Variants in ADAMTS17 observed in about 807,000 individuals in gnomAD.
The protein encoded by ADAMTS17 is ADAM metallopeptidase with thrombospondin type 1 motif 17, also known as A disintegrin and metalloproteinase with thrombospondin motifs 17.
A neutral mutation model predicts 141.5 loss-of-function variants in ADAMTS17; 113 were observed. That is an observed-to-expected ratio of 0.80 (90% CI 0.69 to 0.93). The LOEUF (loss-of-function observed/expected upper bound fraction) is 0.93, where lower values mean the gene tolerates loss of function less well. Among genes scored for constraint, ADAMTS17 ranks in the 40% least tolerant of loss-of-function variants. The pLI is 0.00. For missense variants in ADAMTS17, 1,659 were observed against 1,517.9 expected (o/e 1.09, Z -1.54); for synonymous variants, 768 against 630.6 (o/e 1.22, Z -3.27).
intron 4 of ADAMTS17, among the ~76,000 whole-genome samples, chr15:100,279,948 T>C (rs74039167): frequency 0.012 from 1,786 of 152,206 alleles, 37 homozygotes; most frequent in African/African-American, 0.041. Context: ...CCTGCACCTG[T>C]CACCCCTTCT....
chr15:100,204,302 T>G (rs1316418746), intron 7 of ADAMTS17, among the ~76,000 whole-genome samples: 1 of 152,244 alleles, frequency 6.6e-6, no homozygotes, highest in East Asian at 1.9e-4. Flanking sequence ...TTACAGGGTC[T>G]GCCTTTGAGA....
chr15:100,180,995 A>G (rs999713577), intron 8 of ADAMTS17, among the ~76,000 whole-genome samples: 2 of 152,176 alleles, frequency 1.3e-5, no homozygotes, highest in African/African-American at 4.8e-5. Flanking sequence ...CTGGTGGTCT[A>G]TTCTACTGCA....
intron 8 of ADAMTS17, among the ~76,000 whole-genome samples, chr15:100,158,120 CT>C (rs2039520846): frequency 6.6e-6 from 1 of 152,138 alleles, no homozygotes; most frequent in Admixed American, 6.5e-5. Context: ...ACCTCTTGAC[CT>C]TGTGATCCGC....
chr15:100,129,834 C>T (rs1030112168), intron 12 of ADAMTS17: 4 of 152,306 alleles, frequency 2.6e-5, no homozygotes, highest in African/African-American at 9.7e-5. Context: ...ATGTCCGCTC[C>T]CTCTAGTGGG....
intron 15 of ADAMTS17, among the ~76,000 whole-genome samples, chr15:100,078,052 G>A: frequency 6.6e-6 from 1 of 152,072 alleles, no homozygotes; most frequent in Admixed American, 6.6e-5. Flanking sequence ...GACCTGGAGG[G>A]TTTGTAAGAT....
intron 8 of ADAMTS17, among the ~76,000 whole-genome samples, chr15:100,177,065 T>C (rs1455771050): frequency 6.6e-6 from 1 of 152,164 alleles, no homozygotes; most frequent in Non-Finnish European, 1.5e-5. Context: ...AGAATAGAGT[T>C]GTTATGAATA....
intron 15 of ADAMTS17, among the ~76,000 whole-genome samples, chr15:100,092,172 C>T (rs79717750): frequency 0.055 from 8,378 of 152,294 alleles, 325 homozygotes; most frequent in Non-Finnish European, 0.08. Context: ...AAACTTACCC[C>T]CAGCAGGCTA....
chr15:100,260,637 A>C (rs901339396), intron 6 of ADAMTS17, among the ~76,000 whole-genome samples: 8 of 151,766 alleles, frequency 5.3e-5, no homozygotes, highest in Non-Finnish European at 7.4e-5. Flanking sequence ...ACCAAAAAAC[A>C]AAAAACAAAA....
At chr15:100,062,198 G>A (rs923124234) in intron 15 of ADAMTS17, among the ~76,000 whole-genome samples, 24 of 152,246 alleles carry the variant, frequency 1.6e-4, no homozygotes, top group South Asian at 4.1e-4. Context: ...CCATGGGGCT[G>A]ATGAAAATGC....
At chr15:100,252,875 T>C (rs1240293797) in intron 7 of ADAMTS17, among the ~76,000 whole-genome samples, 1 of 152,188 alleles carries the variant, frequency 6.6e-6, no homozygotes, top group East Asian at 1.9e-4. Context: ...GCTATCATTA[T>C]ATTAGATTTT....
chr15:100,206,270 A>ATG lies in ADAMTS17; in HGVS notation c.1076-6849_1076-6848dup, dbSNP rs576103719. Among the ~76,000 whole-genome samples the ATG allele has an allele frequency of 8.8e-3, 1,346 of 152,232 alleles. 24 individuals carry two copies. Among genetic ancestry groups the ATG allele is most frequent in the African/African-American group, 0.03 (1,239 of 41,534 alleles). ...CACCATGCCCTGACCAGCCTGCCGG[A>ATG]TGGCTGCACCTCAGCAGCACTGCAC... is the stretch of plus-strand genomic sequence containing the variant. On this transcript the variant is annotated intron_variant, in intron 7 of 21. Transcript: ENST00000268070.
chr15:100,098,431 G>A (rs1429626952), intron 14 of ADAMTS17, among the ~76,000 whole-genome samples: 5 of 152,158 alleles, frequency 3.3e-5, no homozygotes, highest in Admixed American at 3.3e-4. Flanking sequence ...GGTGGATCAT[G>A]AGGTCAGGAG....
At chr15:100,316,519 T>C (rs914871312) in intron 3 of ADAMTS17, among the ~76,000 whole-genome samples, 2 of 152,084 alleles carry the variant, frequency 1.3e-5, no homozygotes, top group Non-Finnish European at 2.9e-5. Flanking sequence ...TTCCGGTGGA[T>C]TTTCCACTGG....
chr15:100,134,632 G>T (rs1078168), intron 10 of ADAMTS17, among the ~76,000 whole-genome samples: 17,795 of 152,222 alleles, frequency 0.12, 1,609 homozygotes, highest in African/African-American at 0.25. Context: ...CTGCATAGAA[G>T]AGACGCACAA....
intron 8 of ADAMTS17, among the ~76,000 whole-genome samples, chr15:100,163,504 TAGAC>T (rs1193213245): frequency 1.8e-4 from 28 of 152,280 alleles, no homozygotes; most frequent in African/African-American, 6.7e-4. Flanking sequence ...TTTTAATTAA[TAGAC>T]AGGGTCTCAC....
intron 2 of ADAMTS17, among the ~76,000 whole-genome samples, chr15:100,331,794 C>T (rs1375216905): frequency 6.6e-6 from 1 of 152,160 alleles, no homozygotes; most frequent in Non-Finnish European, 1.5e-5. Context: ...ACACTACACC[C>T]CTGGTTCTCA....
intron 18 of ADAMTS17, among the ~76,000 whole-genome samples, chr15:100,006,345 A>G (rs2061036072): frequency 6.6e-6 from 1 of 152,222 alleles, no homozygotes; most frequent in Non-Finnish European, 1.5e-5. Flanking sequence ...CCCAATTCTG[A>G]AAAAACTCAG....
intron 20 of ADAMTS17, among the ~76,000 whole-genome samples, chr15:99,992,534 G>A (rs1000454710): frequency 6.6e-6 from 1 of 152,218 alleles, no homozygotes; most frequent in Non-Finnish European, 1.5e-5. Context: ...GAAACATTCA[G>A]TGGCCCTTTA....
intron 15 of ADAMTS17, among the ~76,000 whole-genome samples, chr15:100,054,876 T>C (rs1346176002): frequency 6.6e-6 from 1 of 152,162 alleles, no homozygotes; most frequent in East Asian, 1.9e-4. Flanking sequence ...AAGCCATGTA[T>C]TTACTATTTT....
Sources: gnomAD v4.1 joint callset for allele counts (sites outside exome capture counted in the v4.1 genomes callset) on GRCh38, gnomAD v4.1.1 for gene constraint, MANE v1.5 for transcripts, NCBI Gene and HGNC (gene_info 2026-07-23, HGNC 2026-07-21) for gene names.